SCRN1: variants seen among roughly 807,000 people sequenced by gnomAD.
SCRN1 encodes the protein secernin 1.
A neutral mutation model predicts 43.3 loss-of-function variants in SCRN1; 19 were observed. That is an observed-to-expected ratio of 0.44 (90% CI 0.31 to 0.64). The LOEUF (loss-of-function observed/expected upper bound fraction) is 0.64. SCRN1 is among the 30% of genes least tolerant of loss of function. The pLI is 0.09. For missense variants in SCRN1, 447 were observed against 524.1 expected, an observed-to-expected ratio of 0.85 and a Z score of 1.44; for synonymous variants, 183 against 188.9, an observed-to-expected ratio of 0.97 and a Z score of 0.26.
chr7:29,942,310 C>T (rs1028985426), intron 4 of SCRN1, among the ~76,000 whole-genome samples: 1 of 152,130 alleles, frequency 6.6e-6, no homozygotes, highest in Non-Finnish European at 1.5e-5. Flanking sequence ...TCCATCACAC[C>T]GCTGCTGGGA....
At chr7:29,957,164 C>T (rs565554442) in intron 2 of SCRN1, among the ~76,000 whole-genome samples, 1 of 152,356 alleles carries the variant, frequency 6.6e-6, no homozygotes, top group South Asian at 2.1e-4. Context: ...CATTTTTACA[C>T]ACTCATTTCC....
rs1393261189 is a variant in SCRN1 at position 29,986,775 on chromosome 7, AGT to A, written c.-2+2865_-2+2866del. Among the ~76,000 whole-genome samples, 4 of 122,460 alleles carry A rather than the reference AGT, an allele frequency of 3.3e-5. No homozygotes were observed. The Admixed American group carries it at 4.7e-4, about 14-fold the overall frequency. 80.3% of individuals were successfully genotyped at this position (122,460 alleles called of 152,430 possible). On this transcript the variant is annotated intron_variant, in intron 1 of 7. Coordinates refer to ENST00000242059, the MANE Select transcript of SCRN1 (RefSeq NM_014766.5). ...AGTCTCGCTCTGTCGCCCAGGCTGG[AGT>A]GCAGTGGCACCATCTCGCCTCACTG...
upstream of SCRN1, chr7:29,990,115 GT>G: frequency 6.5e-7 from 1 of 1,550,342 alleles, no homozygotes; most frequent in Non-Finnish European, 8.7e-7. Context: ...TCTTCCCGAC[GT>G]TTGGTTGCTA....
intron 6 of SCRN1, among the ~76,000 whole-genome samples, chr7:29,932,651 C>CAAAAAAAAAAAAAAAAAAAAA (rs1162835669): frequency 1.2e-4 from 1 of 8,048 alleles, no homozygotes; most frequent in Non-Finnish European, 2.9e-4. Flanking sequence ...GATTCCATCT[C>CAAAAAAAAAAAAAAAAAAAAA]AAAAAAAAAA....
rs1366743119 is a variant in SCRN1, at chr7:29,923,861, CTT to C, written c.*94_*95del. On this transcript the variant is annotated 3_prime_UTR_variant, in exon 8 of 8. Transcript: ENST00000242059. ...TTCAGAAAAGGAGGCCACATATTAA[CTT>C]TCTCATTTTACTCAAACAGGAGAGT... is the stretch of plus-strand genomic sequence containing the variant. 7.3e-7 allele frequency: 1 copy of C among 1,362,716 alleles called. No homozygotes were observed. The highest frequency in any genetic ancestry group is 1.0e-6 in the Non-Finnish European group (1 of 994,230). The allele number at this position is 1,362,716 out of a possible 1,614,324, so 84.4% of individuals were successfully genotyped here.
chr7:29,949,592 G>C (rs1405964230), intron 3 of SCRN1, among the ~76,000 whole-genome samples: 1 of 151,902 alleles, frequency 6.6e-6, no homozygotes, highest in Non-Finnish European at 1.5e-5. Flanking sequence ...GCCCAGGCTG[G>C]TCTTTAACTC....
intron 6 of SCRN1, among the ~76,000 whole-genome samples, chr7:29,928,221 G>A (rs1787035136): frequency 6.6e-6 from 1 of 152,148 alleles, no homozygotes; most frequent in African/African-American, 2.4e-5. Flanking sequence ...TTTGTCCTCG[G>A]ACTTGCAGCA....
chr7:29,975,582 C>T (rs1562822246), intron 1 of SCRN1, among the ~76,000 whole-genome samples: 2 of 152,174 alleles, frequency 1.3e-5, no homozygotes, highest in Non-Finnish European at 2.9e-5. Context: ...AGTACTAATG[C>T]CAGAAACTCT....
chr7:29,935,507 G>A (rs1441096530), intron 6 of SCRN1, among the ~76,000 whole-genome samples: 1 of 152,212 alleles, frequency 6.6e-6, no homozygotes, highest in African/African-American at 2.4e-5. Flanking sequence ...AAAAACACCA[G>A]AGAACCTACT....
chr7:29,937,312 T>G (rs1218724840), intron 5 of SCRN1, among the ~76,000 whole-genome samples: 2 of 152,240 alleles, frequency 1.3e-5, no homozygotes, highest in Non-Finnish European at 2.9e-5. Flanking sequence ...GTTTGCCTTT[T>G]GTTTTTATTT....
chr7:29,943,970 C>G lies in SCRN1; in HGVS notation c.544+7G>C. 1 of 1,614,020 alleles carries G rather than the reference C, an allele frequency of 6.2e-7. No individual in the cohort carries two copies. Among genetic ancestry groups the G allele is most frequent in the Non-Finnish European group, 8.5e-7 (1 of 1,179,902 alleles). ...CTCAGAACTCTCCATCATCCACACC[C>G]ACTCACCTGTGACTTTCTCGGCAGC... On this transcript the variant is annotated splice_region_variant and intron_variant, in intron 4 of 7. Transcript: ENST00000242059.
At chr7:29,988,926 A>T (rs1441521743) in intron 1 of SCRN1, 1 of 152,234 alleles carries the variant, frequency 6.6e-6, no homozygotes, top group Non-Finnish European at 1.5e-5. Flanking sequence ...TGAGGTCGCC[A>T]AATACTCGAC....
At chr7:29,989,564 G>A (rs1789292055) in intron 1 of SCRN1, 78 bp downstream of exon 1, 2 of 985,652 alleles carry the variant, frequency 2.0e-6, no homozygotes, top group South Asian at 4.7e-5. Flanking sequence ...TGAAACGCAG[G>A]AGGTGGCGAT....
chr7:29,970,110 T>A (rs762745886), intron 1 of SCRN1, among the ~76,000 whole-genome samples: 7 of 152,178 alleles, frequency 4.6e-5, no homozygotes, highest in Non-Finnish European at 1.0e-4. Context: ...CTCCAAAACA[T>A]TCTCTGCATT....
intron 1 of SCRN1, among the ~76,000 whole-genome samples, chr7:29,986,577 A>G (rs1465489684): frequency 5.9e-5 from 9 of 152,094 alleles, no homozygotes. Flanking sequence ...AAAAAAAATA[A>G]CTTTTGTTTA....
At chr7:29,982,412 G>C (rs1789016259) in intron 1 of SCRN1, among the ~76,000 whole-genome samples, 1 of 152,008 alleles carries the variant, frequency 6.6e-6, no homozygotes, top group East Asian at 1.9e-4. Context: ...AGGTGCTATA[G>C]CCCATGCCTG....
intron 6 of SCRN1, among the ~76,000 whole-genome samples, chr7:29,927,053 G>T (rs1241136318): frequency 6.6e-6 from 1 of 151,670 alleles, no homozygotes; most frequent in Non-Finnish European, 1.5e-5. Flanking sequence ...GGGCCTTTTG[G>T]TTTGGGTTTG....
intron 3 of SCRN1, among the ~76,000 whole-genome samples, chr7:29,954,528 G>A (rs1041604058): frequency 6.6e-6 from 1 of 151,896 alleles, no homozygotes; most frequent in Non-Finnish European, 1.5e-5. Context: ...CAAACCCCAG[G>A]CAACCACTAA....
chr7:29,929,925 G>A (rs535978215), intron 6 of SCRN1, among the ~76,000 whole-genome samples: 37 of 152,330 alleles, frequency 2.4e-4, no homozygotes, highest in African/African-American at 8.4e-4. Flanking sequence ...CACTGGAATG[G>A]AGAGGTTAAT....
Sources: gnomAD v4.1 joint callset for allele counts (sites outside exome capture counted in the v4.1 genomes callset) on GRCh38, gnomAD v4.1.1 for gene constraint, MANE v1.5 for transcripts, NCBI Gene and HGNC (gene_info 2026-07-23, HGNC 2026-07-21) for gene names.